SUCLG2: variants seen among roughly 807,000 people sequenced by gnomAD.
The protein encoded by SUCLG2 is succinate--CoA ligase [GDP-forming] subunit beta, mitochondrial.
A neutral mutation model predicts 47.9 loss-of-function variants in SUCLG2; 42 were observed. The observed-to-expected ratio is 0.88, with a 90% CI of 0.69 to 1.14. The LOEUF (loss-of-function observed/expected upper bound fraction) is 1.14. Among genes scored for constraint, SUCLG2 ranks in the 50% most tolerant of loss-of-function variants. SUCLG2 has a pLI of 0.00. For synonymous variants in SUCLG2, 195 were observed against 197.3 expected (o/e 0.99, Z 0.10); for missense variants, 571 against 525.9 (o/e 1.09, Z -0.84).
intron 9 of SUCLG2, among the ~76,000 whole-genome samples, chr3:67,410,480 T>C (rs956608361): frequency 3.3e-5 from 5 of 152,110 alleles, no homozygotes; most frequent in African/African-American, 9.6e-5. Flanking sequence ...TTTGGGGGAA[T>C]AGCACAAGCA....
rs73100308 is a variant in SUCLG2 at position 67,403,626 on chromosome 3, G to C, written c.1063-2775C>G. On this transcript the variant is annotated intron_variant, in intron 9 of 10. Coordinates refer to ENST00000307227, the MANE Select transcript of SUCLG2 (RefSeq NM_003848.4). ...ATGTCTCACACAGCCAAGACCAGGG[G>C]AGAGGCGGTGATGCAGGCTGCTGAC... Among the ~76,000 whole-genome samples the C allele has an allele frequency of 6.4e-3, 971 of 152,254 alleles. 11 individuals are homozygous for C. The highest frequency in any genetic ancestry group is 0.012 in the Non-Finnish European group (793 of 68,016).
intron 2 of SUCLG2, among the ~76,000 whole-genome samples, chr3:67,588,694 G>A (rs1464586733): frequency 6.6e-6 from 1 of 152,154 alleles, no homozygotes; most frequent in Non-Finnish European, 1.5e-5. Flanking sequence ...CATGAAACTT[G>A]ATAGCTAAAT....
intron 4 of SUCLG2, among the ~76,000 whole-genome samples, chr3:67,522,994 G>T (rs1706158548): frequency 6.6e-6 from 1 of 151,472 alleles, no homozygotes; most frequent in Non-Finnish European, 1.5e-5. Context: ...TAGAGACGGG[G>T]TTTCACCATG....
intron 2 of SUCLG2, among the ~76,000 whole-genome samples, chr3:67,591,054 G>C (rs758409721): frequency 3.9e-5 from 6 of 152,190 alleles, no homozygotes; most frequent in African/African-American, 7.2e-5. Context: ...TCCAGGAAAA[G>C]TACATAATAT....
At chr3:67,408,980 G>C (rs570333973) in intron 9 of SUCLG2, 7 of 1,535,116 alleles carry the variant, frequency 4.6e-6, no homozygotes, top group East Asian at 4.9e-5. Context: ...TCAAGAACGT[G>C]CTTCTGAGTC....
chr3:67,405,810 A>C (rs1011445970), intron 9 of SUCLG2, among the ~76,000 whole-genome samples: 2 of 152,232 alleles, frequency 1.3e-5, no homozygotes, highest in African/African-American at 4.8e-5. Flanking sequence ...TCACAAATAC[A>C]ACCATAATTA....
intron 10 of SUCLG2, among the ~76,000 whole-genome samples, chr3:67,367,159 CTAAGA>C (rs541237422): frequency 1.3e-4 from 20 of 152,070 alleles, no homozygotes; most frequent in Non-Finnish European, 2.6e-4. Flanking sequence ...AGATCTAAAA[CTAAGA>C]TGAGTTTTCA....
At chr3:67,397,301 A>G (rs1318326051) in intron 10 of SUCLG2, among the ~76,000 whole-genome samples, 3 of 152,188 alleles carry the variant, frequency 2.0e-5, no homozygotes, top group Non-Finnish European at 4.4e-5. Context: ...AATCTCCTTA[A>G]GCTGATAAGC....
intron 9 of SUCLG2, among the ~76,000 whole-genome samples, chr3:67,465,658 C>CA (rs1376746739): frequency 6.6e-6 from 1 of 152,234 alleles, no homozygotes; most frequent in Non-Finnish European, 1.5e-5. Context: ...CTCCTTCACT[C>CA]AGAGTCAGAC....
At chr3:67,440,599 A>G (rs146355781) in intron 9 of SUCLG2, among the ~76,000 whole-genome samples, 5,552 of 152,306 alleles carry the variant, frequency 0.036, 207 homozygotes, top group East Asian at 0.17. Flanking sequence ...AAAAGAAGAC[A>G]TTTATGCAGC....
intron 10 of SUCLG2, chr3:67,376,298 C>T (rs1301653676): frequency 5.1e-6 from 5 of 985,410 alleles, no homozygotes; most frequent in Non-Finnish European, 6.0e-6. Context: ...TCTGGCGCAT[C>T]CAGCATGTCC....
chr3:67,396,590 G>A (rs1702535760), intron 10 of SUCLG2, among the ~76,000 whole-genome samples: 1 of 152,010 alleles, frequency 6.6e-6, no homozygotes, highest in Non-Finnish European at 1.5e-5. Context: ...TTCTACCAGA[G>A]GTACAAGGAG....
intron 10 of SUCLG2, among the ~76,000 whole-genome samples, chr3:67,366,184 G>A (rs1255630819): frequency 1.3e-5 from 2 of 152,032 alleles, no homozygotes; most frequent in Admixed American, 6.5e-5. Context: ...AAACTTGGTC[G>A]GGCGCAGTGG....
At chr3:67,413,410 T>C (rs973248843) in intron 9 of SUCLG2, among the ~76,000 whole-genome samples, 2 of 152,278 alleles carry the variant, frequency 1.3e-5, no homozygotes, top group African/African-American at 2.4e-5. Context: ...AGAAGGAACA[T>C]GGGTAACATG....
At chr3:67,415,873 G>A (rs902244881) in intron 9 of SUCLG2, among the ~76,000 whole-genome samples, 7 of 152,180 alleles carry the variant, frequency 4.6e-5, no homozygotes, top group African/African-American at 1.7e-4. Context: ...ACACATGACA[G>A]TGTGCGACTT....
intron 10 of SUCLG2, among the ~76,000 whole-genome samples, chr3:67,399,983 C>G (rs1004926921): frequency 1.3e-5 from 2 of 152,112 alleles, no homozygotes; most frequent in East Asian, 3.9e-4. Flanking sequence ...GAGTTCAAGA[C>G]CAGCCTGGGC....
chr3:67,477,169 A>G (rs1232762055), intron 9 of SUCLG2, among the ~76,000 whole-genome samples: 1 of 152,144 alleles, frequency 6.6e-6, no homozygotes, highest in Non-Finnish European at 1.5e-5. Flanking sequence ...GAACAGCTTC[A>G]AAAGTCCCGA....
chr3:67,515,938 C>A lies in SUCLG2; in HGVS notation c.660+2309G>T, dbSNP rs543311002. Among the ~76,000 whole-genome samples the A allele has an allele frequency of 2.6e-5, 4 of 152,282 alleles. No homozygotes were observed. In the South Asian group the frequency reaches 8.3e-4, roughly 32 times the overall value. On this transcript the variant is annotated intron_variant, in intron 6 of 10. Transcript: ENST00000307227. ...ACATGTCTACAGCTGAGATCAACCT[C>A]TCTCTCCCTCTGCCCGCTGCCCCCT...
chr3:67,375,901 G>A (rs1261636755), intron 10 of SUCLG2, 42 bp from the exon 11 acceptor site: 3 of 1,596,462 alleles, frequency 1.9e-6, no homozygotes, highest in South Asian at 2.3e-5. Context: ...GAAACTAGAG[G>A]TGGCGCCTTA....
Sources: gnomAD v4.1 joint callset for allele counts (sites outside exome capture counted in the v4.1 genomes callset) on GRCh38, gnomAD v4.1.1 for gene constraint, MANE v1.5 for transcripts, NCBI Gene and HGNC (gene_info 2026-07-23, HGNC 2026-07-21) for gene names.